Variants in MUC7 observed in about 807,000 individuals in gnomAD.
MUC7 encodes the protein mucin 7, secreted.
In MUC7, 2 loss-of-function variants were observed where a neutral mutation model predicts 2.5. The ratio of observed to expected loss-of-function variants is 0.81; its 90% CI spans 0.33 to 2.55. The LOEUF (loss-of-function observed/expected upper bound fraction) is 2.55. Among genes scored for constraint, MUC7 ranks in the 30% most tolerant of loss-of-function variants. MUC7 has a pLI of 0.11. For synonymous variants in MUC7, 133 were observed against 173.4 expected, an observed-to-expected ratio of 0.77 and a Z score of 1.83; for missense variants, 408 against 455.6, an observed-to-expected ratio of 0.90 and a Z score of 0.95.
upstream of MUC7, among the ~76,000 whole-genome samples, chr4:70,470,520 T>A (rs1001783954): frequency 5.9e-5 from 9 of 152,202 alleles, no homozygotes; most frequent in African/African-American, 2.2e-4. Flanking sequence ...TTCCAATATT[T>A]AAAGAAAATT....
intron 1 of MUC7, among the ~76,000 whole-genome samples, chr4:70,440,178 T>C (rs1468104970): frequency 2.0e-5 from 3 of 152,310 alleles, no homozygotes; most frequent in African/African-American, 4.8e-5. Context: ...ATGTTCCATA[T>C]ACTATTATAT....
intron 1 of MUC7, among the ~76,000 whole-genome samples, chr4:70,436,021 A>C (rs1367599241): frequency 6.6e-6 from 1 of 152,156 alleles, no homozygotes; most frequent in Non-Finnish European, 1.5e-5. Flanking sequence ...AGAATGTTGA[A>C]TATTGGCCCC....
chr4:70,461,292 A>T (rs1054943688), intron 1 of MUC7, among the ~76,000 whole-genome samples: 9 of 152,224 alleles, frequency 5.9e-5, no homozygotes, highest in African/African-American at 1.2e-4. Flanking sequence ...GTCAGATCAC[A>T]ATCAAATTTA....
intron 1 of MUC7, among the ~76,000 whole-genome samples, chr4:70,450,197 T>C (rs561601852): frequency 2.0e-5 from 3 of 152,208 alleles, no homozygotes; most frequent in Non-Finnish European, 4.4e-5. Context: ...TCCTCCCTTT[T>C]CCCAAGGCAG....
intron 1 of MUC7, among the ~76,000 whole-genome samples, chr4:70,437,169 T>G (rs776519162): frequency 3.9e-5 from 6 of 152,154 alleles, no homozygotes; most frequent in Non-Finnish European, 7.3e-5. Flanking sequence ...CGGACCCACT[T>G]GAGGAGGCAG....
chr4:70,481,477 A>T lies in MUC7; in HGVS notation c.733A>T (p.Thr245Ser). Residue 245 changes from threonine (T) to serine (S), a missense_variant, in exon 3 of 3, where the codon ACA becomes TCA. Thr to Ser is a moderately conservative substitution (Grantham distance 58). Transcript: ENST00000304887. ...TAAPPTPSAT[T>S]PAPLSSSAPP... The stretch of plus-strand genomic sequence containing the variant: ...TGCCCCACCCACACCTTCTGCAACT[A>T]CACCAGCTCCACTATCTTCCTCAGC... 1 of 1,499,000 alleles carries T rather than the reference A, an allele frequency of 6.7e-7. No homozygotes were observed. The highest frequency in any genetic ancestry group is 1.2e-5 in the South Asian group (1 of 81,236). The allele number at this position is 1,499,000 out of a possible 1,614,324, so 92.9% of individuals were successfully genotyped here.
intron 1 of MUC7, among the ~76,000 whole-genome samples, chr4:70,451,250 C>T (rs1734273040): frequency 6.6e-6 from 1 of 152,218 alleles, no homozygotes; most frequent in Non-Finnish European, 1.5e-5. Context: ...TTCCATGTCT[C>T]ACAATTGCTG....
chr4:70,457,153 C>T (rs374159094), intron 1 of MUC7, among the ~76,000 whole-genome samples: 35 of 152,172 alleles, frequency 2.3e-4, no homozygotes, highest in African/African-American at 7.9e-4. Flanking sequence ...TTTAAATTAC[C>T]GACACTTGGC....
chr4:70,469,348 CA>C (rs1365003541), upstream of MUC7, among the ~76,000 whole-genome samples: 2 of 152,158 alleles, frequency 1.3e-5, no homozygotes, highest in Admixed American at 6.5e-5. Flanking sequence ...CAGGCATGGG[CA>C]ATGGCTTCAT....
chr4:70,468,750 T>C (rs1734745949), upstream of MUC7, among the ~76,000 whole-genome samples: 1 of 152,090 alleles, frequency 6.6e-6, no homozygotes, highest in Admixed American at 6.5e-5. Flanking sequence ...CTCAATGAAA[T>C]AAGACAGGAC....
At chr4:70,435,733 A>G (rs187847809) in intron 1 of MUC7, among the ~76,000 whole-genome samples, 3 of 152,264 alleles carry the variant, frequency 2.0e-5, no homozygotes, top group Admixed American at 1.3e-4. Flanking sequence ...TGTGAATTTG[A>G]TCCTGTCGTT....
intron 2 of MUC7, among the ~76,000 whole-genome samples, chr4:70,479,572 T>C (rs1431049633): frequency 6.6e-6 from 1 of 152,218 alleles, no homozygotes; most frequent in Non-Finnish European, 1.5e-5. Context: ...TATCCTGTTA[T>C]ATTTCTTTTC....
chr4:70,440,440 G>A (rs1004840459), intron 1 of MUC7, among the ~76,000 whole-genome samples: 6 of 151,862 alleles, frequency 4.0e-5, no homozygotes, highest in Admixed American at 1.3e-4. Context: ...GAATTCCCCC[G>A]CATCTAACAC....
At chr4:70,455,239 T>A (rs1734384078) in intron 1 of MUC7, among the ~76,000 whole-genome samples, 1 of 152,188 alleles carries the variant, frequency 6.6e-6, no homozygotes. Flanking sequence ...CAGCAAAAAG[T>A]ACAAAGGTAT....
At chr4:70,467,914 G>T (rs1464910711), upstream of MUC7, among the ~76,000 whole-genome samples, 1 of 152,130 alleles carries the variant, frequency 6.6e-6, no homozygotes. Context: ...ATTTTGCGAG[G>T]CCAGCATCAT....
chr4:70,466,879 G>A (rs570053976), intron 1 of MUC7, among the ~76,000 whole-genome samples: 15 of 152,284 alleles, frequency 9.9e-5, no homozygotes, highest in African/African-American at 2.9e-4. Flanking sequence ...GGATATTCAG[G>A]ACTTGAACTC....
intron 1 of MUC7, among the ~76,000 whole-genome samples, chr4:70,457,420 TGACAGAGCAA>T (rs371187546): frequency 1.2e-4 from 18 of 152,202 alleles, no homozygotes; most frequent in African/African-American, 4.1e-4. Context: ...CTAGCCTGGG[TGACAGAGCAA>T]GACCTTGTCT....
At chr4:70,442,981 G>A (rs1734044530) in intron 1 of MUC7, among the ~76,000 whole-genome samples, 1 of 152,096 alleles carries the variant, frequency 6.6e-6, no homozygotes. Flanking sequence ...GGAGATCCGA[G>A]ATGAATCCTA....
chr4:70,465,573 A>C (rs1216913293), intron 1 of MUC7, among the ~76,000 whole-genome samples: 1 of 152,192 alleles, frequency 6.6e-6, no homozygotes, highest in Admixed American at 6.5e-5. Flanking sequence ...GGAGCTGAAA[A>C]ACACAGCACG....
Sources: allele counts gnomAD v4.1 joint callset (sites outside exome capture counted in the v4.1 genomes callset), GRCh38; gene constraint gnomAD v4.1.1; transcripts MANE v1.5; gene names NCBI Gene and HGNC (gene_info 2026-07-23, HGNC 2026-07-21).